The following PCGF3 variants were observed in gnomAD, a reference collection of about 807,000 sequenced individuals.
PCGF3 encodes polycomb group RING finger protein 3.
PCGF3 carries 7 observed loss-of-function variants against 33.1 expected under a neutral mutation model. That is an observed-to-expected ratio of 0.21 (90% CI 0.12 to 0.40). The LOEUF (loss-of-function observed/expected upper bound fraction) is 0.40. PCGF3 is among the 10% of genes least tolerant of loss of function. The probability of loss-of-function intolerance (pLI) is 1.00; values close to 1 mark genes in which losing one functional copy is unlikely to be tolerated. For synonymous variants in PCGF3, 153 were observed against 121.3 expected (o/e 1.26, Z -1.72); for missense variants, 211 against 313.3 (o/e 0.67, Z 2.46).
At chr4:739,250 G>C (rs545764974) in intron 6 of PCGF3, among the ~76,000 whole-genome samples, 1 of 152,256 alleles carries the variant, frequency 6.6e-6, no homozygotes, top group African/African-American at 2.4e-5. Flanking sequence ...GCCCAGGCTG[G>C]AGTTCAGTGG....
intron 6 of PCGF3, among the ~76,000 whole-genome samples, chr4:738,321 C>G (rs1442649207): frequency 2.0e-5 from 3 of 152,256 alleles, no homozygotes; most frequent in Non-Finnish European, 4.4e-5. Context: ...TTCTTCCCTA[C>G]TCACAGAGTT....
Position 733,806 on chromosome 4 carries a change from C to T in PCGF3, c.109+17C>T, listed in dbSNP as rs200826324. 1.2e-5 allele frequency: 20 copies of T among 1,613,708 alleles called. No individual in the cohort carries two copies. In the African/African-American group the frequency reaches 1.5e-4, roughly 12 times the overall value. On this transcript the variant is annotated intron_variant, in intron 4 of 10. Transcript: ENST00000362003. ...TGCACACCTGTACGTGCCCTGCCCGCGCCACCCAGGGAGGGCGCGCCCTTC... is the reference window on the plus strand; with the variant it reads ...TGCACACCTGTACGTGCCCTGCCCGTGCCACCCAGGGAGGGCGCGCCCTTC...
intron 1 of PCGF3, among the ~76,000 whole-genome samples, chr4:725,938 C>T (rs948767701): frequency 3.3e-5 from 5 of 152,180 alleles, no homozygotes; most frequent in Admixed American, 2.6e-4. Flanking sequence ...GGCCACTCTC[C>T]GCCAGGCTCT....
rs1665639737 is a variant in PCGF3 at position 721,226 on chromosome 4, A to G, written c.-189-9404A>G. ...CATGGTTCCCCAGTGAGGCTGTTCC[A>G]CGGTGGCACAGGACACGCCTGCAGC... On this transcript the variant is annotated intron_variant, in intron 1 of 10. Coordinates refer to ENST00000362003, the Ensembl canonical transcript of PCGF3. The surrounding 1 kb of genome is among the most constrained non-coding windows in gnomAD (Gnocchi z 4.1). Among the ~76,000 whole-genome samples, 1 of 152,158 alleles carries G rather than the reference A, an allele frequency of 6.6e-6. No homozygotes were observed. The highest frequency in any genetic ancestry group is 1.5e-5 in the Non-Finnish European group (1 of 68,024).
At chr4:749,476 CTTTTTTTTT>C (rs71640348) in intron 8 of PCGF3, among the ~76,000 whole-genome samples, 59 of 75,486 alleles carry the variant, frequency 7.8e-4, no homozygotes, top group African/African-American at 2.9e-3. Flanking sequence ...ATTTTCTTTC[CTTTTTTTTT>C]TTTTTTTTTT....
At chr4:754,097 T>C (rs1159407443) in intron 8 of PCGF3, among the ~76,000 whole-genome samples, 3 of 152,118 alleles carry the variant, frequency 2.0e-5, no homozygotes, top group Non-Finnish European at 2.9e-5. Context: ...TCTTCGCTCG[T>C]GCAGAGTTAG....
Position 733,668 on chromosome 4 carries a change from G to T in PCGF3, c.-9-4G>T. 1 of 1,598,092 alleles carries T rather than the reference G, an allele frequency of 6.3e-7. No individual in the cohort carries two copies. The highest frequency in any genetic ancestry group is 2.2e-5 in the East Asian group (1 of 44,806). On this transcript the variant is annotated splice_region_variant and splice_polypyrimidine_tract_variant and intron_variant, in intron 3 of 10. Coordinates refer to ENST00000362003, the Ensembl canonical transcript of PCGF3. The stretch of plus-strand genomic sequence containing the variant: ...GTGTTAATTAATCGCGTTTTCTCTT[G>T]TAGAAGCCAAAGATGTTGACCAGGA...
At chr4:761,805 T>C (rs1023272653) in intron 9 of PCGF3, 16 of 985,310 alleles carry the variant, frequency 1.6e-5, no homozygotes, top group Non-Finnish European at 1.8e-5. Flanking sequence ...AGTGCTGGCA[T>C]GAGGCGGCCT....
chr4:724,720 C>T (rs912078502), intron 1 of PCGF3, among the ~76,000 whole-genome samples: 2 of 152,036 alleles, frequency 1.3e-5, no homozygotes, highest in Admixed American at 6.5e-5. Flanking sequence ...ATGGTGTGAA[C>T]CCGGGAGGCG....
chr4:713,216 G>C (rs1742652029), intron 1 of PCGF3, among the ~76,000 whole-genome samples: 1 of 139,906 alleles, frequency 7.1e-6, no homozygotes, highest in Non-Finnish European at 1.6e-5. Context: ...GGTGGGGGCT[G>C]TGGCCTTGTG....
At chr4:707,478 C>T (rs1742359476) in intron 1 of PCGF3, among the ~76,000 whole-genome samples, 2 of 150,300 alleles carry the variant, frequency 1.3e-5, no homozygotes, top group African/African-American at 4.9e-5. Flanking sequence ...CTGTTTTCCC[C>T]TGGGGGCCGG....
At chr4:761,800 T>A in intron 9 of PCGF3, 1 of 985,408 alleles carries the variant, frequency 1.0e-6, no homozygotes, top group Non-Finnish European at 1.2e-6. Flanking sequence ...GAAGGAGTGC[T>A]GGCATGAGGC....
At position 737,523 on chromosome 4, in the gene PCGF3, T is replaced by C; in HGVS notation, c.262+2T>C. 6.3e-7 allele frequency: 1 copy of C among 1,593,158 alleles called. No homozygotes were observed. The highest frequency in any genetic ancestry group is 1.3e-5 in the African/African-American group (1 of 74,532). On this transcript the variant is annotated splice_donor_variant, in intron 6 of 10. Coordinates refer to ENST00000362003, the Ensembl canonical transcript of PCGF3. LOFTEE classifies it high-confidence loss of function. Reference sequence around the variant, plus strand: ...AATTGGTACCAGGCCTCCAAGAAGGTGAGTGTCTGACTGTCTTGCTGATCC... The same window carrying C: ...AATTGGTACCAGGCCTCCAAGAAGGCGAGTGTCTGACTGTCTTGCTGATCC...
chr4:764,856 C>CCG lies in PCGF3; in HGVS notation c.601-128_601-127insCG. ...GAGGAATACATGAACCAGCCCCCCC[C>CCG]ACCCCATCTCTAGGCACGTTCTTGC... On this transcript the variant is annotated intron_variant, in intron 9 of 10. Coordinates refer to ENST00000362003, the Ensembl canonical transcript of PCGF3. 3 of 648,086 alleles carry CCG rather than the reference C, an allele frequency of 4.6e-6. No individual in the cohort carries two copies. The South Asian group carries it at 5.4e-5, about 12-fold the overall frequency. The allele number at this position is 648,086 out of a possible 1,614,324, so 40.1% of individuals were successfully genotyped here. A position where few individuals can be genotyped will look rare whatever the true frequency, so the allele number is the denominator to read the frequency against.
chr4:714,643 G>A (rs1201292243), intron 1 of PCGF3, among the ~76,000 whole-genome samples: 5 of 152,164 alleles, frequency 3.3e-5, no homozygotes, highest in Admixed American at 2.0e-4. Flanking sequence ...ACCCCCTGGC[G>A]TTGGAGGTCT....
intron 10 of PCGF3, 132 bp downstream of exon 10, chr4:765,196 G>C: frequency 1.6e-6 from 1 of 624,750 alleles, no homozygotes; most frequent in Non-Finnish European, 2.9e-6. Context: ...CACTTTGGGA[G>C]GACGAGGCGG....
Position 731,207 on chromosome 4 carries a change from T to A in PCGF3, c.-10+97T>A, listed in dbSNP as rs544328552. The A allele has an allele frequency of 4.8e-5, 19 of 398,392 alleles. No homozygotes were observed. In the East Asian group the frequency reaches 6.8e-4, roughly 14 times the overall value. The allele number at this position is 398,392 out of a possible 1,614,324, so 24.7% of individuals were successfully genotyped here. A position where few individuals can be genotyped will look rare whatever the true frequency, so the allele number is the denominator to read the frequency against. On this transcript the variant is annotated intron_variant, in intron 3 of 10. Transcript: ENST00000362003. ...GGGCCGGCGATCATTAGGAGCCAGC[T>A]GGTCAGGACACGATGCAGTGTTCAC...
Position 736,697 on chromosome 4 carries a change from CCGGGG to C in PCGF3, c.207-768_207-764del, listed in dbSNP as rs1485322309. On this transcript the variant is annotated intron_variant, in intron 5 of 10. Coordinates refer to ENST00000362003, the Ensembl canonical transcript of PCGF3. ...CCTGAGCGCACAGGATGCAGGGAAC[CCGGGG>C]TGTCCGCAGGGACGGTGTCCCCTGA... Among the ~76,000 whole-genome samples the C allele has an allele frequency of 1.5e-4, 22 of 145,412 alleles. 1 individual carries two copies. The highest frequency in any genetic ancestry group is 5.4e-4 in the African/African-American group (21 of 38,894).
intron 5 of PCGF3, among the ~76,000 whole-genome samples, chr4:735,620 T>C (rs1466888709): frequency 6.6e-6 from 1 of 152,260 alleles, no homozygotes; most frequent in African/African-American, 2.4e-5. Flanking sequence ...TCATGAGTTT[T>C]ACGCAGAATT....
Sources: allele counts gnomAD v4.1 joint callset (sites outside exome capture counted in the v4.1 genomes callset), GRCh38; gene constraint gnomAD v4.1.1; non-coding constraint Gnocchi (gnomAD v3.1); transcripts MANE v1.5; gene names NCBI Gene and HGNC (gene_info 2026-07-23, HGNC 2026-07-21).